The following ZC3H4 variants were observed in gnomAD, a reference collection of about 807,000 sequenced individuals.
The protein encoded by ZC3H4 is zinc finger CCCH-type containing 4.
A neutral mutation model predicts 108.3 loss-of-function variants in ZC3H4; 13 were observed. That is an observed-to-expected ratio of 0.12 (90% confidence interval 0.08 to 0.19). The LOEUF (loss-of-function observed/expected upper bound fraction) is 0.19, where lower values mean the gene tolerates loss of function less well. ZC3H4 is among the 10% of genes least tolerant of loss of function. The pLI is 1.00. For synonymous variants in ZC3H4, 917 were observed against 749.6 expected, an observed-to-expected ratio of 1.22 and a Z score of -3.65; for missense variants, 1,734 against 1,838.8, an observed-to-expected ratio of 0.94 and a Z score of 1.04.
intron 4 of ZC3H4, among the ~76,000 whole-genome samples, chr19:47,091,487 T>G (rs2057730145): frequency 6.6e-6 from 1 of 151,556 alleles, no homozygotes; most frequent in Admixed American, 6.6e-5. Flanking sequence ...GGTGTGAGAA[T>G]CACTTGAACC....
intron 11 of ZC3H4, among the ~76,000 whole-genome samples, chr19:47,081,276 T>G (rs1236873802): frequency 1.3e-5 from 2 of 152,276 alleles, no homozygotes; most frequent in Middle Eastern, 3.4e-3. Context: ...TTCCTTTCAT[T>G]TGGTCATGCC....
chr19:47,064,231 G>C lies in ZC3H4; in HGVS notation c.*2125C>G, dbSNP rs1407914372. On this transcript the variant is annotated 3_prime_UTR_variant, in exon 15 of 15. Transcript: ENST00000253048. ...CTTTAATGGCAGTAATACAATTACT[G>C]GATTAAGAGACCACAGGAGAAAGGC... is the stretch of plus-strand genomic sequence containing the variant. The C allele has an allele frequency of 6.6e-6, 1 of 152,528 alleles. No individual in the cohort carries two copies. Among genetic ancestry groups the C allele is most frequent in the Non-Finnish European group, 1.5e-5 (1 of 68,034 alleles). The allele number at this position is 152,528 out of a possible 1,614,324, so 9.4% of individuals were successfully genotyped here. A position where few individuals can be genotyped will look rare whatever the true frequency, so the allele number is the denominator to read the frequency against.
intron 2 of ZC3H4, among the ~76,000 whole-genome samples, chr19:47,099,497 T>A (rs1173760127): frequency 6.7e-6 from 1 of 149,950 alleles, no homozygotes; most frequent in African/African-American, 2.4e-5. Flanking sequence ...TGCAGCCAGC[T>A]CTCCCTGACG....
intron 11 of ZC3H4, among the ~76,000 whole-genome samples, chr19:47,076,960 T>G (rs1168435695): frequency 6.6e-6 from 1 of 151,970 alleles, no homozygotes; most frequent in African/African-American, 2.4e-5. Context: ...ACCACTGCAC[T>G]CCAGCCTGGG....
At chr19:47,084,913 G>T in intron 8 of ZC3H4, 143 bp downstream of exon 8, 1 of 1,102,740 alleles carries the variant, frequency 9.1e-7, no homozygotes, top group Non-Finnish European at 1.3e-6. Flanking sequence ...AGTTGTCGCT[G>T]GTTATGCTGG....
Position 47,071,928 on chromosome 19 carries a change from G to A in ZC3H4, c.1996C>T (p.Pro666Ser), listed in dbSNP as rs1321875289. Residue 666 changes from proline to serine, a missense_variant, in exon 13 of 15, where the codon CCT (proline) becomes TCT (serine). Pro to Ser is a moderately conservative substitution (Grantham distance 74, BLOSUM62 -1). Transcript: ENST00000253048. ...TAGGGCATCATTGGAGGGCCGCCAG[G>A]GCCCATGGGTGGGCCAGGATTCATG... ...PGMNPGPPMG[P>S]GGPPMMPYGP... 3 of 1,612,674 alleles carry A rather than the reference G, an allele frequency of 1.9e-6. No homozygotes were observed. The African/African-American group carries it at 4.0e-5, about 22-fold the overall frequency.
intron 2 of ZC3H4, among the ~76,000 whole-genome samples, chr19:47,097,752 A>T (rs921356656): frequency 1.4e-4 from 21 of 152,194 alleles, no homozygotes; most frequent in African/African-American, 4.8e-4. Context: ...CCCCCAAGAA[A>T]AGTGGGGGAA....
chr19:47,100,698 T>G lies in ZC3H4; in HGVS notation c.162-6090A>C, dbSNP rs115060911. ...TTTGTAGAAAGGTTTTTTGTTTTGT[T>G]TTATTGTCTTTTCTTTTGAGACGGG... On this transcript the variant is annotated intron_variant, in intron 2 of 14. Coordinates refer to ENST00000253048, the MANE Select transcript of ZC3H4 (RefSeq NM_015168.2). Among the ~76,000 whole-genome samples, 1,075 of 152,010 alleles carry G rather than the reference T, an allele frequency of 7.1e-3. 12 individuals are homozygous for G. Among genetic ancestry groups the G allele is most frequent in the African/African-American group, 0.024 (1,012 of 41,460 alleles).
At position 47,072,076 on chromosome 19, in the gene ZC3H4, GGGCCCAGGGCCCATT is replaced by G; in HGVS notation, c.1833_1847del (p.Met612_Pro616del). 4 of 1,564,680 alleles carry G rather than the reference GGGCCCAGGGCCCATT, an allele frequency of 2.6e-6. No homozygotes were observed. The highest frequency in any genetic ancestry group is 3.5e-6 in the Non-Finnish European group (4 of 1,157,856). On this transcript the variant is annotated inframe_deletion, in exon 13 of 15. Coordinates refer to ENST00000253048, the MANE Select transcript of ZC3H4 (RefSeq NM_015168.2). This position sits in a 1 kb window ranked among gnomAD's most constrained non-coding sequence, Gnocchi z 5.6. ...CCATTGGCCCTGGGGGTCCCATGTT[GGGCCCAGGGCCCATT>G]GGCCCTGGGGGTCCACCGGGTCCAG... is the stretch of plus-strand genomic sequence containing the variant.
At chr19:47,083,623 C>T (rs1160122002) in intron 9 of ZC3H4, among the ~76,000 whole-genome samples, 4 of 152,024 alleles carry the variant, frequency 2.6e-5, no homozygotes, top group Admixed American at 2.0e-4. Flanking sequence ...GCAGGAGAAT[C>T]GCTTGATCCC....
chr19:47,111,000 G>C, intron 2 of ZC3H4: 10 of 836,390 alleles, frequency 1.2e-5, no homozygotes, highest in South Asian at 1.1e-4. Context: ...GTGGGGAGAA[G>C]GGGTCGTACG....
Position 47,067,192 on chromosome 19 carries a change from G to A in ZC3H4, c.3076C>T (p.Arg1026Cys), listed in dbSNP as rs1006248180. Residue 1026 changes from arginine to cysteine, a missense_variant, in exon 15 of 15, where the codon CGC becomes TGC. By Grantham distance (180) the Arg-to-Cys change is radical. Around this residue, in one of 9 missense-constraint regions of ZC3H4, gnomAD observed 518 missense variants for 499.6 expected, o/e 1.04. Transcript: ENST00000253048. The surrounding 1 kb of genome is among the most constrained non-coding windows in gnomAD (Gnocchi z 6.4). ...CTGGAATCCGTGGAGGCGCCCGGGC[G>A]CTGCCGGGCGTTGGGGGGCCCTGCC... ...ATAGPPNARQ[R>C]PGASTDSSTQ... 1.3e-5 allele frequency: 21 copies of A among 1,610,660 alleles called. No homozygotes were observed. The highest frequency in any genetic ancestry group is 3.3e-5 in the South Asian group (3 of 90,926).
chr19:47,079,295 G>A (rs866710924), intron 11 of ZC3H4, among the ~76,000 whole-genome samples: 4 of 151,530 alleles, frequency 2.6e-5, no homozygotes, highest in Non-Finnish European at 5.9e-5. Flanking sequence ...TCCCACAGTG[G>A]GGGGGTTACA....
intron 9 of ZC3H4, 94 bp downstream of exon 9, chr19:47,084,251 C>A: frequency 8.2e-7 from 1 of 1,215,136 alleles, no homozygotes. Context: ...GTCACTCCCA[C>A]CCACCCTCAC....
chr19:47,076,188 C>CA (rs1312357781), intron 11 of ZC3H4, among the ~76,000 whole-genome samples: 1 of 152,216 alleles, frequency 6.6e-6, no homozygotes, highest in African/African-American at 2.4e-5. Flanking sequence ...GATAAACAAA[C>CA]ACAGATCATC....
rs554595081 is a variant in ZC3H4 at position 47,076,210 on chromosome 19, A to G, written c.1441-3497T>C. ...AAACACAGATCATCCGCTCAGTGGGACACTACACAGCAACAAATGGTAATG... is the reference window on the plus strand; with the variant it reads ...AAACACAGATCATCCGCTCAGTGGGGCACTACACAGCAACAAATGGTAATG... On this transcript the variant is annotated intron_variant, in intron 11 of 14. Transcript: ENST00000253048. Among the ~76,000 whole-genome samples the G allele has an allele frequency of 7.2e-5, 11 of 152,352 alleles. No individual in the cohort carries two copies. The South Asian group carries it at 8.3e-4, about 11-fold the overall frequency.
At position 47,112,574 on chromosome 19, in the gene ZC3H4, G is replaced by A. The variant is rs1032870505; in HGVS notation, c.11C>T (p.Ala4Val). The change falls in exon 2 of 15, where the codon GCG becomes GTG. Residue 4 changes from alanine (A) to valine (V), a missense_variant. Physicochemically the swap from Ala to Val is moderately conservative, Grantham distance 64. Coordinates refer to ENST00000253048, the MANE Select transcript of ZC3H4 (RefSeq NM_015168.2). ...TGGCGGCGGCGGGGGGGTCCCGGGC[G>A]CGGCCTCCATAGTTCCTTTGGGGGG... MEA[A>V]PGTPPPPPSE... 8.6e-6 allele frequency: 10 copies of A among 1,160,848 alleles called. No individual in the cohort carries two copies. Among genetic ancestry groups the A allele is most frequent in the Non-Finnish European group, 1.1e-5 (10 of 919,578 alleles). 71.9% of individuals were successfully genotyped at this position (1,160,848 alleles called of 1,614,324 possible).
At position 47,067,943 on chromosome 19, in the gene ZC3H4, CCCA is replaced by C. The variant is rs2057248871; in HGVS notation, c.2399-77_2399-75del. 3 of 1,407,138 alleles carry C rather than the reference CCCA, an allele frequency of 2.1e-6. No homozygotes were observed. The highest frequency in any genetic ancestry group is 1.4e-5 in the African/African-American group (1 of 70,494). The allele number at this position is 1,407,138 out of a possible 1,614,324, so 87.2% of individuals were successfully genotyped here. A position where few individuals can be genotyped will look rare whatever the true frequency, so the allele number is the denominator to read the frequency against. On this transcript the variant is annotated intron_variant, in intron 14 of 14. Coordinates refer to ENST00000253048, the MANE Select transcript of ZC3H4 (RefSeq NM_015168.2). This position sits in a 1 kb window ranked among gnomAD's most constrained non-coding sequence, Gnocchi z 6.4. ...CCCGCCCTCTTGGATCCCACAGCAG[CCCA>C]CCGTGAGCAGCTCCTTTGCTTGTGC... is the stretch of plus-strand genomic sequence containing the variant.
chr19:47,075,077 C>A (rs190809835), intron 11 of ZC3H4, among the ~76,000 whole-genome samples: 1 of 152,142 alleles, frequency 6.6e-6, no homozygotes, highest in African/African-American at 2.4e-5. Context: ...GTTGTGCATT[C>A]GCAGTTTTCC....
Sources: gnomAD v4.1 joint callset for allele counts (sites outside exome capture counted in the v4.1 genomes callset) on GRCh38, gnomAD v4.1.1 for gene constraint, gnomAD v4.1.1 regional missense constraint, Gnocchi (gnomAD v3.1) non-coding constraint, MANE v1.5 for transcripts, NCBI Gene and HGNC (gene_info 2026-07-23, HGNC 2026-07-21) for gene names.